MOGS: variants seen among roughly 807,000 people sequenced by gnomAD.
MOGS encodes the protein mannosyl-oligosaccharide glucosidase.
A neutral mutation model predicts 68.5 loss-of-function variants in MOGS; 45 were observed. That is an observed-to-expected ratio of 0.66 (90% confidence interval 0.52 to 0.84). The LOEUF (loss-of-function observed/expected upper bound fraction) is 0.84. MOGS is among the 40% of genes least tolerant of loss of function. MOGS has a pLI of 0.00. For synonymous variants in MOGS, 492 were observed against 461.2 expected (o/e 1.07, Z -0.86); for missense variants, 1,020 against 1,095.0 (o/e 0.93, Z 0.97).
Position 74,461,116 on chromosome 2 carries a change from C to A in MOGS, c.*159G>T. ...AAAATAGACTCTGGATTCACATTCA[C>A]CCCAGGGCTATGTGGGATGACAGCA... On this transcript the variant is annotated 3_prime_UTR_variant, in exon 4 of 4. Transcript: ENST00000448666. 2 of 800,762 alleles carry A rather than the reference C, an allele frequency of 2.5e-6. No homozygotes were observed. Among genetic ancestry groups the A allele is most frequent in the Admixed American group, 2.2e-5 (1 of 46,230 alleles). The allele number at this position is 800,762 out of a possible 1,614,324, so 49.6% of individuals were successfully genotyped here. A position where few individuals can be genotyped will look rare whatever the true frequency, so the allele number is the denominator to read the frequency against.
rs756379257 is a variant in MOGS at position 74,465,065 on chromosome 2, C to A, written c.183G>T (p.Trp61Cys). The stretch of plus-strand genomic sequence containing the variant: ...GCCGCGCACGGTACCACGCCAGCAC[C>A]CAGCGCCCCGACATACCCAGGGCCA... ...LSLALGMSGR[W>C]VLAWYRARRA... Residue 61 changes from tryptophan to cysteine, a missense_variant, in exon 1 of 4, where the codon TGG (tryptophan) becomes TGT (cysteine). Trp to Cys is a radical substitution (Grantham distance 215). Transcript: ENST00000448666. 12 of 1,555,880 alleles carry A rather than the reference C, an allele frequency of 7.7e-6. No homozygotes were observed. In the African/African-American group the frequency reaches 1.6e-4, roughly 21 times the overall value.
In MOGS at chr2:74,462,185, C is replaced by A; in HGVS notation, c.1604G>T (p.Arg535Leu). 6.2e-7 allele frequency: 1 copy of A among 1,614,110 alleles called. No homozygotes were observed. The highest frequency in any genetic ancestry group is 8.5e-7 in the Non-Finnish European group (1 of 1,179,982). The change falls in exon 4 of 4, where the codon CGA (arginine) becomes CTA (leucine). Residue 535 changes from arginine to leucine, a missense_variant. Coordinates refer to ENST00000448666, the MANE Select transcript of MOGS (RefSeq NM_006302.3). ...GGCATGCAGGCGGGGCAAGGCCTTTCGGAGGAAAGCCAAGTCGTCAGGGTC... is the reference window on the plus strand; with the variant it reads ...GGCATGCAGGCGGGGCAAGGCCTTTAGGAGGAAAGCCAAGTCGTCAGGGTC... ...VGDPDDLAFL[R>L]KALPRLHAWF...
Position 74,465,236 on chromosome 2 carries a change from G to C in MOGS, c.12C>G (p.Gly4=), listed in dbSNP as rs555329045. 2,003 of 1,442,906 alleles carry C rather than the reference G, an allele frequency of 1.4e-3. 4 individuals carry two copies. Among genetic ancestry groups the C allele is most frequent in the Non-Finnish European group, 1.7e-3 (1,912 of 1,113,940 alleles). 89.4% of individuals were successfully genotyped at this position (1,442,906 alleles called of 1,614,324 possible). The change falls in exon 1 of 4, where the codon GGC becomes GGG. Residue 4 remains glycine, a synonymous_variant. Transcript: ENST00000448666. MAR[G]ERRRRAVPAE... ...CCGGCACTGCGCGGCGCCGCCGCTC[G>C]CCCCGAGCCATCCTGGCACTGAGGT...
At position 74,462,264 on chromosome 2, in the gene MOGS, G is replaced by C. The variant is rs754426799; in HGVS notation, c.1525C>G (p.His509Asp). The C allele has an allele frequency of 3.1e-6, 5 of 1,613,850 alleles. No homozygotes were observed. In the South Asian group the frequency reaches 5.5e-5, roughly 18 times the overall value. ...PPEFLVQRAV[H>D]ANPPTLLLPV... ...AAAAGTAGGGTTGGGGGGTTGGCGTGGACTGCTCGTTGTACTAGGAATTCT... is the reference window on the plus strand; with the variant it reads ...AAAAGTAGGGTTGGGGGGTTGGCGTCGACTGCTCGTTGTACTAGGAATTCT... Residue 509 changes from histidine to aspartate, a missense_variant, in exon 4 of 4, where the codon CAC becomes GAC. His to Asp is a moderately conservative substitution (Grantham distance 81). Transcript: ENST00000448666.
Position 74,464,480 on chromosome 2 carries a change from G to A in MOGS, c.579+16C>T, listed in dbSNP as rs1672009448. On this transcript the variant is annotated intron_variant, in intron 2 of 3. Transcript: ENST00000448666. ...AGGGGGTCTGGGCTGAGAAAAGGGT[G>A]TCCTGAGGCCCTGACCTGAGGCTCT... 1 of 1,612,260 alleles carries A rather than the reference G, an allele frequency of 6.2e-7. No individual in the cohort carries two copies. The highest frequency in any genetic ancestry group is 1.1e-5 in the South Asian group (1 of 91,052).
rs2103980818 is a variant in MOGS, at chr2:74,462,962, ATC to A, written c.825_826del (p.Glu275AspfsTer8). 2 of 1,614,172 alleles carry A rather than the reference ATC, an allele frequency of 1.2e-6. No individual in the cohort carries two copies. Among genetic ancestry groups the A allele is most frequent in the South Asian group, 2.2e-5 (2 of 91,090 alleles). Reference sequence around the variant, plus strand: ...CCAGCTATTTAGGCGACTCTTTACCATCTCTGTCAGCAGGGGCAGTCCTGGGT... The same window carrying A: ...CCAGCTATTTAGGCGACTCTTTACCATCTGTCAGCAGGGGCAGTCCTGGGT... On this transcript the variant is annotated frameshift_variant, in exon 4 of 4. Coordinates refer to ENST00000448666, the MANE Select transcript of MOGS (RefSeq NM_006302.3). LOFTEE classifies it high-confidence loss of function.
chr2:74,461,532 C>A lies in MOGS; in HGVS notation c.2257G>T (p.Ala753Ser). 6.2e-7 allele frequency: 1 copy of A among 1,613,998 alleles called. No homozygotes were observed. Among genetic ancestry groups the A allele is most frequent in the South Asian group, 1.1e-5 (1 of 91,070 alleles). The change falls in exon 4 of 4, where the codon GCT becomes TCT. Residue 753 changes from alanine (A) to serine (S), a missense_variant. Around this residue, in one of 3 missense-constraint regions of MOGS, gnomAD observed 270 missense variants for 261.3 expected, o/e 1.03. Transcript: ENST00000448666. Reference protein sequence around the residue: ...SEHDPPYWRGAVWLNVNYLAL... With the variant: ...SEHDPPYWRGSVWLNVNYLAL... Reference sequence around the variant, plus strand: ...AGGTAGTTGACATTGAGCCACACAGCACCCCGCCAGTAGGGGGGATCATGC... The same window carrying A: ...AGGTAGTTGACATTGAGCCACACAGAACCCCGCCAGTAGGGGGGATCATGC...
In MOGS at chr2:74,464,950, G is replaced by A. The variant is rs758917879; in HGVS notation, c.298C>T (p.Arg100Cys). 60 of 1,595,168 alleles carry A rather than the reference G, an allele frequency of 3.8e-5. No homozygotes were observed. The Admixed American group carries it at 9.9e-4, about 26-fold the overall frequency. ...VAPDLFWGTY[R>C]PHVYFGMKTR... ...TTCATGCCGAAGTAGACGTGAGGGC[G>A]GTAGGTTCCCCAGAAGAGGTCCGGG... is the stretch of plus-strand genomic sequence containing the variant. Residue 100 changes from arginine (R) to cysteine (C), a missense_variant, in exon 1 of 4, where the codon CGC (arginine) becomes TGC (cysteine). By Grantham distance (180) the Arg-to-Cys change is radical. This residue lies in a region of MOGS where 569 missense variants were observed against 571.9 expected (regional missense o/e 0.99). Coordinates refer to ENST00000448666, the MANE Select transcript of MOGS (RefSeq NM_006302.3).
Position 74,462,050 on chromosome 2 carries a change from G to A in MOGS, c.1739C>T (p.Ser580Phe). 6.2e-7 allele frequency: 1 copy of A among 1,614,204 alleles called. No individual in the cohort carries two copies. Among genetic ancestry groups the A allele is most frequent in the Non-Finnish European group, 8.5e-7 (1 of 1,180,018 alleles). ...AGCCCGGGGGTAGTCATCCAGCCCA[G>A]AGGGTAGGGTCTTGGGGTTCAGTAA... ...PTLLNPKTLP[S>F]GLDDYPRASH... The change falls in exon 4 of 4, where the codon TCT becomes TTT. Residue 580 changes from serine (S) to phenylalanine (F), a missense_variant. Ser to Phe is a radical substitution (Grantham distance 155, BLOSUM62 -2). Around this residue, in one of 3 missense-constraint regions of MOGS, gnomAD observed 181 missense variants for 261.8 expected, o/e 0.69. Transcript: ENST00000448666.
In MOGS at chr2:74,462,977, G is replaced by T; in HGVS notation, c.812C>A (p.Pro271His). ...ACTCTTTACCATCTCTGTCAGCAGG[G>T]GCAGTCCTGGGTTGGAGGTCCAGAA... The part of the protein sequence containing the change: ...NVFWTSNPGL[P>H]LLTEMVKSRL... Residue 271 changes from proline to histidine, a missense_variant, in exon 4 of 4, where the codon CCC (proline) becomes CAC (histidine). Physicochemically the swap from Pro to His is moderately conservative, Grantham distance 77. Coordinates refer to ENST00000448666, the MANE Select transcript of MOGS (RefSeq NM_006302.3). The T allele has an allele frequency of 6.2e-7, 1 of 1,614,158 alleles. No homozygotes were observed. The highest frequency in any genetic ancestry group is 8.5e-7 in the Non-Finnish European group (1 of 1,180,048).
intron 2 of MOGS, 136 bp from the exon 3 acceptor site, chr2:74,463,522 T>C (rs183106810): frequency 1.2e-6 from 1 of 852,884 alleles, no homozygotes; most frequent in Non-Finnish European, 1.9e-6. Context: ...CTGGCAGTAA[T>C]GAGGGTCACT....
chr2:74,461,373 A>G lies in MOGS; in HGVS notation c.2416T>C (p.Trp806Arg). 6.2e-7 allele frequency: 1 copy of G among 1,614,128 alleles called. No individual in the cohort carries two copies. The highest frequency in any genetic ancestry group is 8.5e-7 in the Non-Finnish European group (1 of 1,180,034). Residue 806 changes from tryptophan to arginine, a missense_variant, in exon 4 of 4, where the codon TGG (tryptophan) becomes CGG (arginine). Coordinates refer to ENST00000448666, the MANE Select transcript of MOGS (RefSeq NM_006302.3). ...CCATCGCGGTCACTGTACTGCTCCC[A>G]AAGAAAGCCTGTAGCCTGGTACTGG... Reference protein sequence around the residue: ...WRQYQATGFLWEQYSDRDGRG... With the variant: ...WRQYQATGFLREQYSDRDGRG...
chr2:74,463,160 C>T (rs1439845947), intron 3 of MOGS, 30 bp downstream of exon 3: 1 of 1,613,448 alleles, frequency 6.2e-7, no homozygotes, highest in Non-Finnish European at 8.5e-7. Flanking sequence ...CCACCCCTTC[C>T]ATCCCCCAAC....
In MOGS at chr2:74,461,861, A is replaced by C. The variant is rs368038442; in HGVS notation, c.1928T>G (p.Leu643Arg). Residue 643 changes from leucine (L) to arginine (R), a missense_variant, in exon 4 of 4, where the codon CTG becomes CGG. By Grantham distance (102) the Leu-to-Arg change is moderately radical. Transcript: ENST00000448666. ...SLEAAESLDE[L>R]HWAPELGVFA... Reference sequence around the variant, plus strand: ...GACTCCTAGCTCTGGGGCCCAGTGCAGCTCATCCAGGCTCTCTGCTGCCTC... The same window carrying C: ...GACTCCTAGCTCTGGGGCCCAGTGCCGCTCATCCAGGCTCTCTGCTGCCTC... 3.0e-5 allele frequency: 49 copies of C among 1,613,976 alleles called. No homozygotes were observed. Among genetic ancestry groups the C allele is most frequent in the Non-Finnish European group, 3.8e-5 (45 of 1,180,026 alleles).
rs1199755686 is a variant in MOGS at position 74,465,158 on chromosome 2, C to T, written c.90G>A (p.Arg30=). The T allele has an allele frequency of 4.6e-6, 7 of 1,531,646 alleles. 1 individual carries two copies. The South Asian group carries it at 8.4e-5, about 18-fold the overall frequency. 94.9% of individuals were successfully genotyped at this position (1,531,646 alleles called of 1,614,324 possible). Residue 30 remains arginine (R), a synonymous_variant, in exon 1 of 4, where the codon CGG becomes CGA. Transcript: ENST00000448666. The stretch of plus-strand genomic sequence containing the variant: ...TACGCGGCCCGCCGCCCCGGCCGTC[C>T]CGTCGCCCGGGGCCTCCCCGAGCCG... ...ERAARGGPGR[R]DGRGGGPRST... is the part of the protein sequence containing the mutation.
chr2:74,463,619 G>C, intron 2 of MOGS: 4 of 500,276 alleles, frequency 8.0e-6, no homozygotes, highest in Non-Finnish European at 1.4e-5. Flanking sequence ...TTTGTACTAT[G>C]TCCTACACTA....
Position 74,463,250 on chromosome 2 carries a change from T to A in MOGS, c.716A>T (p.Asp239Val), listed in dbSNP as rs1671979464. The change falls in exon 3 of 4, where the codon GAC (aspartate) becomes GTC (valine). Residue 239 changes from aspartate to valine, a missense_variant. By Grantham distance (152) the Asp-to-Val change is radical. Coordinates refer to ENST00000448666, the MANE Select transcript of MOGS (RefSeq NM_006302.3). ...TGGTGGCAAAAGTGTAAAGCGGAAG[T>A]CACCAAGTTCACTGGTGTGCCCACT... ...FISGHTSELG[D>V]FRFTLLPPTS... 6.2e-7 allele frequency: 1 copy of A among 1,614,008 alleles called. No individual in the cohort carries two copies. The highest frequency in any genetic ancestry group is 1.7e-5 in the Admixed American group (1 of 59,982).
At chr2:74,463,073 G>T in intron 3 of MOGS, 61 bp from the exon 4 acceptor site, 1 of 1,610,198 alleles carries the variant, frequency 6.2e-7, no homozygotes, top group South Asian at 1.1e-5. Flanking sequence ...GCATTATAAA[G>T]AGAAATACAA....
Position 74,462,432 on chromosome 2 carries a change from C to A in MOGS, c.1357G>T (p.Gly453Cys). The A allele has an allele frequency of 6.2e-7, 1 of 1,613,240 alleles. No individual in the cohort carries two copies. The highest frequency in any genetic ancestry group is 8.5e-7 in the Non-Finnish European group (1 of 1,179,382). ...FFPRGFLWDE[G>C]FHQLVVQRWD... is the part of the protein sequence containing the mutation. ...CGCTGAACCACCAGCTGGTGAAAGC[C>A]TTCATCCCAAAGGAAGCCTCGTGGG... Residue 453 changes from glycine to cysteine, a missense_variant, in exon 4 of 4, where the codon GGC becomes TGC. Gly to Cys is a radical substitution (Grantham distance 159). This residue lies in a region of MOGS where 181 missense variants were observed against 261.8 expected (regional missense o/e 0.69). Coordinates refer to ENST00000448666, the MANE Select transcript of MOGS (RefSeq NM_006302.3).
Sources: allele counts gnomAD v4.1 joint callset, GRCh38; gene constraint gnomAD v4.1.1; regional missense constraint gnomAD v4.1.1; transcripts MANE v1.5; gene names NCBI Gene and HGNC (gene_info 2026-07-23, HGNC 2026-07-21).